GABRG3: variants seen among roughly 807,000 people sequenced by gnomAD.
GABRG3 encodes the protein gamma-aminobutyric acid type A receptor subunit gamma3.
A neutral mutation model predicts 48.8 loss-of-function variants in GABRG3; 25 were observed. The ratio of observed to expected loss-of-function variants is 0.51; its 90% CI spans 0.37 to 0.72. The LOEUF is 0.72. GABRG3 is among the 30% of genes least tolerant of loss of function. The pLI is 0.00. For missense variants in GABRG3, 394 were observed against 577.9 expected, an observed-to-expected ratio of 0.68 and a Z score of 3.26; for synonymous variants, 227 against 217.6, an observed-to-expected ratio of 1.04 and a Z score of -0.38.
chr15:26,971,717 A>T (rs904149343), intron 1 of GABRG3, 129 bp downstream of exon 1: 1 of 1,068,498 alleles, frequency 9.4e-7, no homozygotes. Context: ...CCGGGAGGGG[A>T]CTGGGAAGTC....
intron 5 of GABRG3, among the ~76,000 whole-genome samples, chr15:27,349,865 T>G (rs1894497561): frequency 1.3e-5 from 2 of 151,734 alleles, no homozygotes; most frequent in South Asian, 4.2e-4. Context: ...CCTTTCTGGC[T>G]CTCTATAAAG....
chr15:27,062,436 A>T (rs1390824138), intron 3 of GABRG3, among the ~76,000 whole-genome samples: 7 of 115,650 alleles, frequency 6.1e-5, no homozygotes, highest in Non-Finnish European at 1.4e-4. Flanking sequence ...ATCTCTACTA[A>T]AAAAAAAAAA....
At chr15:27,495,965 TGAG>T (rs1463670019) in intron 6 of GABRG3, among the ~76,000 whole-genome samples, 1 of 152,204 alleles carries the variant, frequency 6.6e-6, no homozygotes, top group Non-Finnish European at 1.5e-5. Flanking sequence ...ACTGCTCTAG[TGAG>T]GAGGAGAGGG....
intron 3 of GABRG3, among the ~76,000 whole-genome samples, chr15:27,168,134 G>A (rs763857308): frequency 1.1e-4 from 16 of 148,384 alleles, no homozygotes; most frequent in Non-Finnish European, 1.9e-4. Context: ...AAGAAGCTCA[G>A]TTAAAAAAAA....
chr15:27,011,969 G>A (rs724456), intron 2 of GABRG3, among the ~76,000 whole-genome samples: 84,566 of 151,992 alleles, frequency 0.56, 23,966 homozygotes, highest in African/African-American at 0.63. Flanking sequence ...ATTGAGTTCA[G>A]TAGTGGTGGA....
Position 27,341,722 on chromosome 15 carries a change from C to T in GABRG3, c.574+12834C>T, listed in dbSNP as rs374636587. 7.9e-4 allele frequency among the ~76,000 whole-genome samples: 121 copies of T among 152,300 alleles called. 1 individual carries two copies. The South Asian group carries it at 0.021, about 27-fold the overall frequency. On this transcript the variant is annotated intron_variant, in intron 5 of 9. Transcript: ENST00000615808. ...ATATCACGCGCCAGAAAGGGGCTCA[C>T]GGCTATTGTTACCCCATTATTGTTG...
intron 3 of GABRG3, among the ~76,000 whole-genome samples, chr15:27,210,527 A>T (rs527793102): frequency 2.0e-5 from 3 of 152,308 alleles, no homozygotes; most frequent in African/African-American, 7.2e-5. Context: ...TGACAACCCC[A>T]AATTGATACA....
At chr15:27,268,981 G>T (rs1891001793) in intron 3 of GABRG3, among the ~76,000 whole-genome samples, 1 of 152,144 alleles carries the variant, frequency 6.6e-6, no homozygotes, top group Non-Finnish European at 1.5e-5. Context: ...GTTGCCCAGG[G>T]TCTGTCTTGC....
intron 3 of GABRG3, among the ~76,000 whole-genome samples, chr15:27,065,046 G>A (rs80230967): frequency 0.015 from 2,321 of 152,232 alleles, 49 homozygotes; most frequent in African/African-American, 0.053. Flanking sequence ...AGCAGGTGCC[G>A]TGTGGTGGGC....
Position 27,307,367 on chromosome 15 carries a change from A to C in GABRG3, c.271-19442A>C, listed in dbSNP as rs1167985188. ...TTTATATATGTTTATATATAACCAT[A>C]TAGGTTTATATATTTATATATAACC... On this transcript the variant is annotated intron_variant, in intron 3 of 9. Coordinates refer to ENST00000615808, the MANE Select transcript of GABRG3 (RefSeq NM_033223.5). Among the ~76,000 whole-genome samples the C allele has an allele frequency of 3.9e-4, 7 of 18,062 alleles. 1 individual carries two copies. Among genetic ancestry groups the C allele is most frequent in the Non-Finnish European group, 7.4e-4 (6 of 8,076 alleles). The allele number at this position is 18,062 out of a possible 152,430, so 11.8% of individuals were successfully genotyped here. A position where few individuals can be genotyped will look rare whatever the true frequency, so the allele number is the denominator to read the frequency against.
Position 27,301,590 on chromosome 15 carries a change from T to C in GABRG3, c.271-25219T>C, listed in dbSNP as rs140954079. On this transcript the variant is annotated intron_variant, in intron 3 of 9. Transcript: ENST00000615808. ...TTGTTCATTATATCATTATGCTTTA[T>C]AACTTAATGTTACATATATATGTGT... 2.8e-3 allele frequency among the ~76,000 whole-genome samples: 426 copies of C among 152,266 alleles called. 1 individual carries two copies. Among genetic ancestry groups the C allele is most frequent in the Non-Finnish European group, 3.6e-3 (248 of 68,004 alleles).
intron 5 of GABRG3, among the ~76,000 whole-genome samples, chr15:27,359,002 A>G (rs1327957025): frequency 6.6e-6 from 1 of 152,218 alleles, no homozygotes; most frequent in Non-Finnish European, 1.5e-5. Flanking sequence ...GGCTCAGCGC[A>G]AGAGCCGCAG....
chr15:27,249,192 A>G lies in GABRG3; in HGVS notation c.271-77617A>G, dbSNP rs563341179. Among the ~76,000 whole-genome samples, 231 of 152,314 alleles carry G rather than the reference A, an allele frequency of 1.5e-3. 1 individual carries two copies. The highest frequency in any genetic ancestry group is 5.3e-3 in the African/African-American group (221 of 41,584). ...GCTGGAAGCTGCGTCCCGGCCACCC[A>G]GATACCCTGGGAGTGCGTGGCGCTC... On this transcript the variant is annotated intron_variant, in intron 3 of 9. Coordinates refer to ENST00000615808, the MANE Select transcript of GABRG3 (RefSeq NM_033223.5).
intron 3 of GABRG3, among the ~76,000 whole-genome samples, chr15:27,192,364 A>G (rs1272073749): frequency 1.3e-5 from 2 of 152,184 alleles, no homozygotes; most frequent in Non-Finnish European, 2.9e-5. Context: ...AGGTACACCA[A>G]TCAGACGTAG....
At chr15:27,029,434 A>G (rs919060324) in intron 3 of GABRG3, among the ~76,000 whole-genome samples, 1 of 103,612 alleles carries the variant, frequency 9.7e-6, no homozygotes, top group African/African-American at 3.6e-5. Flanking sequence ...ATTTGTTTAA[A>G]ATGCACACAC....
chr15:27,188,546 T>C (rs1888178909), intron 3 of GABRG3, among the ~76,000 whole-genome samples: 1 of 151,684 alleles, frequency 6.6e-6, no homozygotes. Context: ...TGTCTGTTCA[T>C]GTCCTTTGCC....
intron 3 of GABRG3, among the ~76,000 whole-genome samples, chr15:27,296,047 A>G (rs368292144): frequency 6.6e-6 from 1 of 152,124 alleles, no homozygotes; most frequent in African/African-American, 2.4e-5. Flanking sequence ...CTTCCGTGCC[A>G]GGAGTAGAGC....
At chr15:27,106,154 C>T (rs1897446249) in intron 3 of GABRG3, among the ~76,000 whole-genome samples, 1 of 151,978 alleles carries the variant, frequency 6.6e-6, no homozygotes, top group Non-Finnish European at 1.5e-5. Flanking sequence ...ATGTGTATAT[C>T]AGAGGATACA....
chr15:27,260,200 G>A (rs1013681301), intron 3 of GABRG3, among the ~76,000 whole-genome samples: 1 of 152,146 alleles, frequency 6.6e-6, no homozygotes, highest in African/African-American at 2.4e-5. Context: ...TGTGGGCAGG[G>A]CTGGTTTCCC....
Sources: allele counts gnomAD v4.1 joint callset (sites outside exome capture counted in the v4.1 genomes callset), GRCh38; gene constraint gnomAD v4.1.1; transcripts MANE v1.5; gene names NCBI Gene and HGNC (gene_info 2026-07-23, HGNC 2026-07-21).